HS6ST3: variants seen among roughly 807,000 people sequenced by gnomAD.
The protein encoded by HS6ST3 is heparan sulfate 6-O-sulfotransferase 3.
HS6ST3 carries 12 observed loss-of-function variants against 36.7 expected under a neutral mutation model. That is an observed-to-expected ratio of 0.33 (90% CI 0.21 to 0.53). The LOEUF (loss-of-function observed/expected upper bound fraction) is 0.53, where lower values mean the gene tolerates loss of function less well. Among genes scored for constraint, HS6ST3 ranks in the 20% least tolerant of loss-of-function variants. The probability of loss-of-function intolerance (pLI) is 0.95; values close to 1 mark genes in which losing one functional copy is unlikely to be tolerated. For synonymous variants in HS6ST3, 240 were observed against 257.5 expected (o/e 0.93, Z 0.65); for missense variants, 584 against 640.9 (o/e 0.91, Z 0.96).
At chr13:96,192,976 T>C (rs1260994598) in intron 1 of HS6ST3, among the ~76,000 whole-genome samples, 4 of 152,308 alleles carry the variant, frequency 2.6e-5, no homozygotes, top group Non-Finnish European at 4.4e-5. Context: ...TGAGAGATCT[T>C]GGACTGTCTG....
intron 1 of HS6ST3, among the ~76,000 whole-genome samples, chr13:96,592,945 T>TA (rs1364301918): frequency 6.6e-6 from 1 of 152,024 alleles, no homozygotes. Context: ...TGGTGTTCTA[T>TA]AATCTTCTTG....
At chr13:96,244,623 G>GA (rs902074619) in intron 1 of HS6ST3, among the ~76,000 whole-genome samples, 3 of 151,804 alleles carry the variant, frequency 2.0e-5, no homozygotes, top group Middle Eastern at 3.4e-3. Flanking sequence ...TTAATCAATG[G>GA]AAAAAAAATA....
chr13:96,091,994 G>A (rs1277984903), intron 1 of HS6ST3, among the ~76,000 whole-genome samples: 2 of 152,194 alleles, frequency 1.3e-5, no homozygotes, highest in South Asian at 2.1e-4. Context: ...GGGGAGTAGA[G>A]AGGCAAGGCA....
At chr13:96,451,411 T>C (rs997468394) in intron 1 of HS6ST3, among the ~76,000 whole-genome samples, 9 of 152,174 alleles carry the variant, frequency 5.9e-5, no homozygotes, top group Non-Finnish European at 5.9e-5. Context: ...TCTTGAGTGT[T>C]CATACCAAAT....
intron 1 of HS6ST3, among the ~76,000 whole-genome samples, chr13:96,241,761 T>A (rs912398735): frequency 5.3e-5 from 8 of 150,904 alleles, no homozygotes; most frequent in Middle Eastern, 3.4e-3. Flanking sequence ...TGAAAAGGAA[T>A]GATGTAATAT....
At chr13:96,513,352 A>G (rs1321082668) in intron 1 of HS6ST3, among the ~76,000 whole-genome samples, 1 of 151,864 alleles carries the variant, frequency 6.6e-6, no homozygotes, top group Non-Finnish European at 1.5e-5. Context: ...CTTTTTAAAA[A>G]TTTATTCTTT....
intron 1 of HS6ST3, among the ~76,000 whole-genome samples, chr13:96,799,125 C>T (rs1179562567): frequency 1.3e-5 from 2 of 152,102 alleles, no homozygotes; most frequent in Non-Finnish European, 2.9e-5. Context: ...ACTTATGAAT[C>T]TTTTAAAACT....
intron 1 of HS6ST3, among the ~76,000 whole-genome samples, chr13:96,692,137 G>T (rs973532165): frequency 6.6e-6 from 1 of 152,040 alleles, no homozygotes; most frequent in African/African-American, 2.4e-5. Context: ...TTCTCAGAAA[G>T]AAATAATTTC....
At chr13:96,711,502 A>G (rs1421533495) in intron 1 of HS6ST3, among the ~76,000 whole-genome samples, 1 of 152,232 alleles carries the variant, frequency 6.6e-6, no homozygotes, top group Non-Finnish European at 1.5e-5. Context: ...TCTGTGTGAA[A>G]ATAGCATATA....
chr13:96,664,865 A>C (rs969934582), intron 1 of HS6ST3, among the ~76,000 whole-genome samples: 10 of 152,120 alleles, frequency 6.6e-5, no homozygotes, highest in Middle Eastern at 3.4e-3. Context: ...CTTCTTTAGC[A>C]TTCTCTCATT....
intron 1 of HS6ST3, among the ~76,000 whole-genome samples, chr13:96,261,148 A>G (rs2054664633): frequency 6.6e-6 from 1 of 151,992 alleles, no homozygotes; most frequent in Non-Finnish European, 1.5e-5. Flanking sequence ...TAAAAGTTTT[A>G]TATTTAGTTT....
intron 1 of HS6ST3, among the ~76,000 whole-genome samples, chr13:96,754,039 G>C (rs35773012): frequency 6.6e-6 from 1 of 151,976 alleles, no homozygotes. Flanking sequence ...GGCTGATCTC[G>C]AACTCCTGAC....
At chr13:96,790,247 A>G (rs1392512966) in intron 1 of HS6ST3, among the ~76,000 whole-genome samples, 1 of 147,348 alleles carries the variant, frequency 6.8e-6, no homozygotes, top group Non-Finnish European at 1.5e-5. Flanking sequence ...TTTTTCTCCC[A>G]ATCTGCTGAT....
intron 1 of HS6ST3, among the ~76,000 whole-genome samples, chr13:96,226,426 A>G (rs1566293916): frequency 6.6e-6 from 1 of 152,202 alleles, no homozygotes; most frequent in East Asian, 1.9e-4. Context: ...AGGCTGAGAC[A>G]GGAGAATTGC....
chr13:96,102,601 C>T (rs1365733855), intron 1 of HS6ST3, among the ~76,000 whole-genome samples: 1 of 152,186 alleles, frequency 6.6e-6, no homozygotes, highest in East Asian at 1.9e-4. Context: ...GTTTTATTCT[C>T]CAAGTTCCTT....
intron 1 of HS6ST3, among the ~76,000 whole-genome samples, chr13:96,384,086 C>A (rs1362158012): frequency 6.6e-6 from 1 of 151,968 alleles, no homozygotes; most frequent in East Asian, 1.9e-4. Flanking sequence ...CAGAAGCAAA[C>A]CAGGAAAAGT....
At chr13:96,526,221 A>T (rs909092866) in intron 1 of HS6ST3, among the ~76,000 whole-genome samples, 3 of 152,208 alleles carry the variant, frequency 2.0e-5, no homozygotes, top group Non-Finnish European at 4.4e-5. Flanking sequence ...CAGGGGGGAC[A>T]CAGGTCCCAA....
chr13:96,308,655 A>G (rs891850383), intron 1 of HS6ST3, among the ~76,000 whole-genome samples: 2 of 152,072 alleles, frequency 1.3e-5, no homozygotes, highest in Non-Finnish European at 2.9e-5. Flanking sequence ...TTTCCATTCC[A>G]TCCTTATTCC....
At chr13:96,727,993 T>C (rs1427813806) in intron 1 of HS6ST3, among the ~76,000 whole-genome samples, 1 of 152,212 alleles carries the variant, frequency 6.6e-6, no homozygotes, top group Admixed American at 6.5e-5. Context: ...TTAGTCCTCA[T>C]CGTAGCTCTG....
Sources: gnomAD v4.1 joint callset for allele counts (sites outside exome capture counted in the v4.1 genomes callset) on GRCh38, gnomAD v4.1.1 for gene constraint, MANE v1.5 for transcripts, NCBI Gene and HGNC (gene_info 2026-07-23, HGNC 2026-07-21) for gene names.